The following LETM1 variants were observed in gnomAD, a reference collection of about 807,000 sequenced individuals.
LETM1 encodes leucine zipper and EF-hand containing transmembrane protein 1.
Under a neutral mutation model 74.5 loss-of-function variants are expected in LETM1, and 50 were observed. The ratio of observed to expected loss-of-function variants is 0.67; its 90% CI spans 0.53 to 0.85. The LOEUF is 0.85. Among genes scored for constraint, LETM1 ranks in the 40% least tolerant of loss-of-function variants. The pLI is 0.00. For synonymous variants in LETM1, 446 were observed against 407.1 expected (o/e 1.10, Z -1.15); for missense variants, 824 against 967.8 (o/e 0.85, Z 1.97).
chr4:1,814,546 C>T lies in LETM1; in HGVS notation c.2098G>A (p.Val700Ile). 1.2e-6 allele frequency: 2 copies of T among 1,613,788 alleles called. No homozygotes were observed. Among genetic ancestry groups the T allele is most frequent in the South Asian group, 1.1e-5 (1 of 90,976 alleles). Residue 700 changes from valine (V) to isoleucine (I), a missense_variant, in exon 14 of 14, where the codon GTT (valine) becomes ATT (isoleucine). By Grantham distance (29) the Val-to-Ile change is conservative. This residue lies in a region of LETM1 where 161 missense variants were observed against 252.7 expected (regional missense o/e 0.64). Coordinates refer to ENST00000302787, the MANE Select transcript of LETM1 (RefSeq NM_012318.3). Reference protein sequence around the residue: ...KVIELVDKEDVHISTSQVAEI... With the variant: ...KVIELVDKEDIHISTSQVAEI... ...GCCACCTGGCTGGTGGAGATGTGAA[C>T]ATCTTCTTTGTCCACCAGCTCAATC...
At chr4:1,855,366 G>A (rs902186460) in intron 1 of LETM1, among the ~76,000 whole-genome samples, 2 of 152,180 alleles carry the variant, frequency 1.3e-5, no homozygotes, top group African/African-American at 4.8e-5. Flanking sequence ...TGTTCCCCGG[G>A]TGCCGGTCGC....
rs879085003 is a variant in LETM1, at chr4:1,836,466, T to C, written c.701A>G (p.Asn234Ser). ...AGTCTCAAATGTGGATGGCAACATG[T>C]TGGGGAAGAGCTTCACAGCAACAGG... ...LLPVAVKLFP[N>S]MLPSTFETQS... Residue 234 changes from asparagine to serine, a missense_variant, in exon 4 of 14, where the codon AAC becomes AGC. By Grantham distance (46) the Asn-to-Ser change is conservative (BLOSUM62 1). Coordinates refer to ENST00000302787, the MANE Select transcript of LETM1 (RefSeq NM_012318.3). The surrounding 1 kb of genome is among the most constrained non-coding windows in gnomAD (Gnocchi z 5.8). 6.2e-7 allele frequency: 1 copy of C among 1,613,264 alleles called. No homozygotes were observed. The highest frequency in any genetic ancestry group is 8.5e-7 in the Non-Finnish European group (1 of 1,179,750).
intron 7 of LETM1, 124 bp from the exon 8 acceptor site, chr4:1,823,899 C>T (rs965779317): frequency 1.8e-6 from 2 of 1,101,564 alleles, no homozygotes; most frequent in Non-Finnish European, 2.5e-6. Flanking sequence ...TCTACAAGGT[C>T]TGTTTGTTGC....
At chr4:1,818,328 TA>T (rs1488912007) in intron 11 of LETM1, among the ~76,000 whole-genome samples, 1 of 152,060 alleles carries the variant, frequency 6.6e-6, no homozygotes, top group Non-Finnish European at 1.5e-5. Flanking sequence ...AAAATCGTAT[TA>T]GGGGCCGGGC....
intron 3 of LETM1, among the ~76,000 whole-genome samples, chr4:1,840,863 G>A (rs1712665527): frequency 6.6e-6 from 1 of 152,106 alleles, no homozygotes; most frequent in South Asian, 2.1e-4. Flanking sequence ...GACAGTATCA[G>A]AACTAAATCA....
At chr4:1,848,960 C>T (rs779230226) in intron 2 of LETM1, among the ~76,000 whole-genome samples, 189 bp downstream of exon 2, 1 of 152,142 alleles carries the variant, frequency 6.6e-6, no homozygotes, top group Non-Finnish European at 1.5e-5. Context: ...TGTTTCTATA[C>T]TGTCTATAGA....
chr4:1,822,316 A>C lies in LETM1; in HGVS notation c.1477-4T>G. Reference sequence around the variant, plus strand: ...CACGTTCGGGCTCAAAATCCTTCTGAAAGGCAAGGCGACACCAGCCCAGCG... The same window carrying C: ...CACGTTCGGGCTCAAAATCCTTCTGCAAGGCAAGGCGACACCAGCCCAGCG... On this transcript the variant is annotated splice_region_variant and splice_polypyrimidine_tract_variant and intron_variant, in intron 9 of 13. Coordinates refer to ENST00000302787, the MANE Select transcript of LETM1 (RefSeq NM_012318.3). 10 of 1,493,410 alleles carry C rather than the reference A, an allele frequency of 6.7e-6. No homozygotes were observed. The highest frequency in any genetic ancestry group is 9.0e-6 in the Non-Finnish European group (10 of 1,113,490). 92.5% of individuals were successfully genotyped at this position (1,493,410 alleles called of 1,614,324 possible). A position where few individuals can be genotyped will look rare whatever the true frequency, so the allele number is the denominator to read the frequency against.
intron 6 of LETM1, among the ~76,000 whole-genome samples, chr4:1,828,021 C>T (rs1451976565): frequency 2.9e-5 from 4 of 137,890 alleles, no homozygotes; most frequent in African/African-American, 9.4e-5. Context: ...CCAACCCGGA[C>T]GGGGCGGCTG....
chr4:1,836,331 C>G lies in LETM1; in HGVS notation c.738+98G>C. The G allele has an allele frequency of 8.2e-7, 1 of 1,221,590 alleles. No individual in the cohort carries two copies. Among genetic ancestry groups the G allele is most frequent in the Non-Finnish European group, 1.2e-6 (1 of 840,042 alleles). The allele number at this position is 1,221,590 out of a possible 1,614,324, so 75.7% of individuals were successfully genotyped here. ...AGGACAATATGAAGATACATAAAGT[C>G]TCAAAAATATCTAGCACCTGAAAAG... On this transcript the variant is annotated intron_variant, in intron 4 of 13. Transcript: ENST00000302787. The surrounding 1 kb of genome is among the most constrained non-coding windows in gnomAD (Gnocchi z 5.8).
chr4:1,812,658 T>TGAGGGAGAATGAC lies in LETM1; in HGVS notation c.*1753_*1765dup, dbSNP rs371607452. 2.6e-5 allele frequency: 4 copies of TGAGGGAGAATGAC among 151,964 alleles called. No individual in the cohort carries two copies. Among genetic ancestry groups the TGAGGGAGAATGAC allele is most frequent in the African/African-American group, 7.3e-5 (3 of 41,256 alleles). The allele number at this position is 151,964 out of a possible 1,614,324, so 9.4% of individuals were successfully genotyped here. The stretch of plus-strand genomic sequence containing the variant: ...ATAGAGAAAAATGCACACAGAACGA[T>TGAGGGAGAATGAC]GAGGGAGAATGACGAGGGAGAATGA... On this transcript the variant is annotated 3_prime_UTR_variant, in exon 14 of 14. Transcript: ENST00000302787.
intron 1 of LETM1, among the ~76,000 whole-genome samples, chr4:1,852,070 T>C (rs145343616): frequency 1.7e-3 from 261 of 152,202 alleles, no homozygotes; most frequent in African/African-American, 6.0e-3. Flanking sequence ...CAACGAATTC[T>C]CCAACTGGGA....
At chr4:1,828,258 C>A (rs1404905353) in intron 6 of LETM1, among the ~76,000 whole-genome samples, 1 of 124,120 alleles carries the variant, frequency 8.1e-6, no homozygotes. Context: ...CCGGACGGGG[C>A]GGCTGGCCGG....
Position 1,825,801 on chromosome 4 carries a change from G to A in LETM1, c.1081-118C>T, listed in dbSNP as rs547062927. On this transcript the variant is annotated intron_variant, in intron 6 of 13. Transcript: ENST00000302787. Reference sequence around the variant, plus strand: ...TTTTGCCAAGCAAGAATCAAACCACGGCCACCAAAGCCCAGTTCTAGGTTA... The same window carrying A: ...TTTTGCCAAGCAAGAATCAAACCACAGCCACCAAAGCCCAGTTCTAGGTTA... 5.9e-5 allele frequency: 69 copies of A among 1,175,682 alleles called. No homozygotes were observed. The South Asian group carries it at 8.9e-4, about 15-fold the overall frequency. 72.8% of individuals were successfully genotyped at this position (1,175,682 alleles called of 1,614,324 possible).
At position 1,834,861 on chromosome 4, in the gene LETM1, G is replaced by C. The variant is rs773416609; in HGVS notation, c.860C>G (p.Ser287Cys). 13 of 1,614,072 alleles carry C rather than the reference G, an allele frequency of 8.1e-6. No homozygotes were observed. In the African/African-American group the frequency reaches 1.6e-4, roughly 20 times the overall value. Residue 287 changes from serine (S) to cysteine (C), a missense_variant, in exon 5 of 14, where the codon TCT becomes TGT. Physicochemically the swap from Ser to Cys is moderately radical, Grantham distance 112. Coordinates refer to ENST00000302787, the MANE Select transcript of LETM1 (RefSeq NM_012318.3). The surrounding 1 kb of genome is among the most constrained non-coding windows in gnomAD (Gnocchi z 5.0). ...TCACAGCACCTTCTGGAAAAACACA[G>C]AGAAGTCTTTGGTGGCGCTGCCCTT... ...AAKGSATKDF[S>C]VFFQKIRETG...
At chr4:1,831,416 C>T (rs1712264092) in intron 6 of LETM1, among the ~76,000 whole-genome samples, 1 of 152,236 alleles carries the variant, frequency 6.6e-6, no homozygotes. Flanking sequence ...AGGGCAGAAG[C>T]ATCTCAGTAC....
chr4:1,838,425 C>T (rs1329722739), intron 3 of LETM1, among the ~76,000 whole-genome samples: 1 of 152,012 alleles, frequency 6.6e-6, no homozygotes, highest in African/African-American at 2.4e-5. Flanking sequence ...GGAAGGCCTC[C>T]CAGCACTTTG....
At chr4:1,838,289 A>G (rs896268446) in intron 3 of LETM1, among the ~76,000 whole-genome samples, 8 of 152,112 alleles carry the variant, frequency 5.3e-5, no homozygotes, top group African/African-American at 1.7e-4. Flanking sequence ...TAGTAGAGAC[A>G]GGGTTTCACC....
At chr4:1,846,321 C>T (rs574262307) in intron 2 of LETM1, among the ~76,000 whole-genome samples, 6 of 152,242 alleles carry the variant, frequency 3.9e-5, no homozygotes, top group South Asian at 4.2e-4. Flanking sequence ...AGTACAGTGG[C>T]GCCATCTTGG....
chr4:1,847,748 C>T (rs1480704492), intron 2 of LETM1, among the ~76,000 whole-genome samples: 5 of 146,884 alleles, frequency 3.4e-5, no homozygotes, highest in African/African-American at 1.0e-4. Context: ...CGCTTGAACC[C>T]GGGAGGCAGA....
Sources: gnomAD v4.1 joint callset for allele counts (sites outside exome capture counted in the v4.1 genomes callset) on GRCh38, gnomAD v4.1.1 for gene constraint, gnomAD v4.1.1 regional missense constraint, Gnocchi (gnomAD v3.1) non-coding constraint, MANE v1.5 for transcripts, NCBI Gene and HGNC (gene_info 2026-07-23, HGNC 2026-07-21) for gene names.